APLP2: variants seen among roughly 807,000 people sequenced by gnomAD.
APLP2 encodes amyloid beta precursor like protein 2.
A neutral mutation model predicts 89.9 loss-of-function variants in APLP2; 53 were observed. That is an observed-to-expected ratio of 0.59 (90% confidence interval 0.47 to 0.74). APLP2 has a LOEUF of 0.74. Ranked by LOEUF, APLP2 falls within the 30% of genes least tolerant of loss-of-function variation. The pLI is 0.00. For synonymous variants in APLP2, 372 were observed against 348.6 expected, an observed-to-expected ratio of 1.07 and a Z score of -0.75; for missense variants, 973 against 975.9, an observed-to-expected ratio of 1.00 and a Z score of 0.04.
intron 11 of APLP2, among the ~76,000 whole-genome samples, chr11:130,130,965 G>A (rs563429994): frequency 2.0e-5 from 3 of 152,366 alleles, no homozygotes; most frequent in African/African-American, 7.2e-5. Context: ...TGCTCCATTT[G>A]TGGAGCTGGG....
chr11:130,129,865 A>G (rs1249751603), intron 10 of APLP2, among the ~76,000 whole-genome samples, 173 bp from the exon 11 acceptor site: 1 of 152,236 alleles, frequency 6.6e-6, no homozygotes, highest in African/African-American at 2.4e-5. Flanking sequence ...TTGCTATTTT[A>G]CCTAGACAGT....
At chr11:130,125,442 G>A (rs115802346) in intron 7 of APLP2, among the ~76,000 whole-genome samples, 2,594 of 152,252 alleles carry the variant, frequency 0.017, 67 homozygotes, top group African/African-American at 0.059. Context: ...CTTGGGGAAT[G>A]GCATTTACCA....
At chr11:130,105,655 T>C (rs866254223) in intron 1 of APLP2, among the ~76,000 whole-genome samples, 2 of 151,514 alleles carry the variant, frequency 1.3e-5, no homozygotes, top group South Asian at 2.1e-4. Flanking sequence ...GAGATGCCTG[T>C]GCTTGTCTCT....
chr11:130,129,714 G>C (rs1184520891), intron 10 of APLP2, among the ~76,000 whole-genome samples: 1 of 152,144 alleles, frequency 6.6e-6, no homozygotes, highest in Non-Finnish European at 1.5e-5. Flanking sequence ...TTCTCTCTTT[G>C]GGTGACACAG....
intron 3 of APLP2, among the ~76,000 whole-genome samples, chr11:130,117,643 A>G (rs367670940): frequency 2.6e-5 from 4 of 152,214 alleles, no homozygotes; most frequent in African/African-American, 9.6e-5. Flanking sequence ...TGCAACATTT[A>G]CATGCATCTA....
At chr11:130,139,604 TC>T (rs574186613) in intron 13 of APLP2, 1 of 152,254 alleles carries the variant, frequency 6.6e-6, no homozygotes, top group South Asian at 2.1e-4. Flanking sequence ...TTGGATACTA[TC>T]CTTCGGAGCG....
rs374651507 is a variant in APLP2, at chr11:130,126,680, C to T, written c.1091-20C>T. 1.4e-5 allele frequency: 23 copies of T among 1,612,534 alleles called. No individual in the cohort carries two copies. In the African/African-American group the frequency reaches 2.5e-4, roughly 18 times the overall value. On this transcript the variant is annotated intron_variant, in intron 7 of 16. Coordinates refer to ENST00000338167, the MANE Select transcript of APLP2 (RefSeq NM_001142276.2). ...GTGCATCTGATCCCAAAGAGAACTC[C>T]CTCTGTAATTTTGTTTCAGTTCCTC... is the stretch of plus-strand genomic sequence containing the variant.
At chr11:130,084,437 T>C (rs554758139) in intron 1 of APLP2, among the ~76,000 whole-genome samples, 1 of 152,330 alleles carries the variant, frequency 6.6e-6, no homozygotes, top group African/African-American at 2.4e-5. Flanking sequence ...TGCTAGTATT[T>C]TGTTGACATC....
intron 3 of APLP2, among the ~76,000 whole-genome samples, chr11:130,113,732 T>TC (rs77375856): frequency 0.097 from 14,819 of 152,178 alleles, 1,068 homozygotes; most frequent in African/African-American, 0.19. Context: ...CCCCATAGAC[T>TC]CCTTAGAAAG....
At chr11:130,094,756 A>G (rs917028574) in intron 1 of APLP2, among the ~76,000 whole-genome samples, 1 of 152,228 alleles carries the variant, frequency 6.6e-6, no homozygotes, top group Admixed American at 6.5e-5. Context: ...TAAAACAGGA[A>G]GTTGAGAAAG....
chr11:130,097,062 C>A (rs1946302771), intron 1 of APLP2, among the ~76,000 whole-genome samples: 1 of 152,208 alleles, frequency 6.6e-6, no homozygotes, highest in African/African-American at 2.4e-5. Context: ...GTCTGATTTA[C>A]TTTTAAATTT....
chr11:130,089,537 G>T (rs1010949416), intron 1 of APLP2, among the ~76,000 whole-genome samples: 2 of 152,188 alleles, frequency 1.3e-5, no homozygotes, highest in African/African-American at 4.8e-5. Context: ...CTCTACATCT[G>T]GATCCTGTCT....
intron 1 of APLP2, among the ~76,000 whole-genome samples, chr11:130,093,737 T>C (rs994473305): frequency 6.6e-6 from 1 of 152,134 alleles, no homozygotes; most frequent in African/African-American, 2.4e-5. Flanking sequence ...CTTGGAACTT[T>C]TATTTTTTAT....
In APLP2 at chr11:130,127,832, C is replaced by T. The variant is rs758022826; in HGVS notation, c.1288C>T (p.Leu430=). 6.2e-7 allele frequency: 1 copy of T among 1,613,958 alleles called. No individual in the cohort carries two copies. The highest frequency in any genetic ancestry group is 2.2e-5 in the East Asian group (1 of 44,888). Residue 430 remains leucine, a synonymous_variant, in exon 9 of 17, where the codon CTG becomes TTG. Coordinates refer to ENST00000338167, the MANE Select transcript of APLP2 (RefSeq NM_001142276.2). The part of the protein sequence containing the change: ...KNLPKAERQT[L]IQHFQAMVKA... ...CCTCCCCAAAGCAGAGAGGCAGACT[C>T]TGATTCAGGTAAGATGCCTTCTCTG...
Position 130,120,809 on chromosome 11 carries a change from A to G in APLP2, c.507A>G (p.Val169=), listed in dbSNP as rs1377220003. The G allele has an allele frequency of 1.2e-6, 2 of 1,613,206 alleles. No homozygotes were observed. Among genetic ancestry groups the G allele is most frequent in the Non-Finnish European group, 1.7e-6 (2 of 1,179,296 alleles). Residue 169 remains valine, a synonymous_variant, in exon 4 of 17, where the codon GTA becomes GTG. Transcript: ENST00000338167. ...VCENHQHWHT[V]VKEACLTQGM... ...AGAATCACCAGCACTGGCACACGGTAGTCAAAGAGGTAAGAGAACTCGGGG... is the reference window on the plus strand; with the variant it reads ...AGAATCACCAGCACTGGCACACGGTGGTCAAAGAGGTAAGAGAACTCGGGG...
intron 1 of APLP2, among the ~76,000 whole-genome samples, chr11:130,081,796 C>T (rs980777922): frequency 6.6e-6 from 1 of 152,100 alleles, no homozygotes; most frequent in Admixed American, 6.6e-5. Context: ...TCTTTTATAA[C>T]TGAACATGTA....
chr11:130,116,013 A>G (rs1371397934), intron 3 of APLP2, among the ~76,000 whole-genome samples: 2 of 152,200 alleles, frequency 1.3e-5, no homozygotes, highest in Non-Finnish European at 1.5e-5. Context: ...ACACATGGAA[A>G]TGTATATACT....
intron 1 of APLP2, among the ~76,000 whole-genome samples, chr11:130,079,083 T>TTTATTTATTTATTTATTTA (rs1565548972): frequency 2.3e-5 from 3 of 130,758 alleles, no homozygotes; most frequent in African/African-American, 9.7e-5. Flanking sequence ...CATGTATTTT[T>TTTATTTATTTATTTATTTA]TTTATTTATT....
At chr11:130,129,390 A>G (rs1484262974) in intron 10 of APLP2, among the ~76,000 whole-genome samples, 184 bp downstream of exon 10, 3 of 152,236 alleles carry the variant, frequency 2.0e-5, no homozygotes, top group Non-Finnish European at 4.4e-5. Flanking sequence ...TAAGCATGAC[A>G]TCGCTTTATG....
Sources: gnomAD v4.1 joint callset for allele counts (sites outside exome capture counted in the v4.1 genomes callset) on GRCh38, gnomAD v4.1.1 for gene constraint, MANE v1.5 for transcripts, NCBI Gene and HGNC (gene_info 2026-07-23, HGNC 2026-07-21) for gene names.